Variants in CCDC138 observed in about 807,000 individuals in gnomAD.
The protein encoded by CCDC138 is coiled-coil domain containing 138, also known as coiled-coil domain-containing protein 138.
A neutral mutation model predicts 82.3 loss-of-function variants in CCDC138; 66 were observed. The observed-to-expected ratio is 0.80, with a 90% confidence interval of 0.66 to 0.98. The LOEUF (loss-of-function observed/expected upper bound fraction) is 0.98, where lower values mean the gene tolerates loss of function less well. CCDC138 is among the 50% of genes least tolerant of loss of function. CCDC138 has a pLI of 0.00. For synonymous variants in CCDC138, 297 were observed against 265.4 expected (o/e 1.12, Z -1.16); for missense variants, 816 against 758.9 (o/e 1.08, Z -0.88).
chr2:108,845,047 A>G (rs1363002053), intron 11 of CCDC138, among the ~76,000 whole-genome samples: 1 of 151,490 alleles, frequency 6.6e-6, no homozygotes, highest in East Asian at 1.9e-4. Flanking sequence ...TGCCTGGCCC[A>G]CATTTTTTTT....
At chr2:108,862,825 G>C (rs1201267377) in intron 13 of CCDC138, among the ~76,000 whole-genome samples, 1 of 151,878 alleles carries the variant, frequency 6.6e-6, no homozygotes, top group East Asian at 1.9e-4. Context: ...AGATACTAGT[G>C]CATATACAGT....
At chr2:108,788,443 G>A (rs143260859) in intron 2 of CCDC138, among the ~76,000 whole-genome samples, 1,987 of 150,994 alleles carry the variant, frequency 0.013, 43 homozygotes, top group African/African-American at 0.046. Flanking sequence ...AATAGGCTGC[G>A]CGCGGTGGCT....
chr2:108,841,453 G>T (rs945610622), intron 11 of CCDC138, among the ~76,000 whole-genome samples: 1 of 151,948 alleles, frequency 6.6e-6, no homozygotes, highest in Non-Finnish European at 1.5e-5. Flanking sequence ...GTAAATTTAT[G>T]ATTATGTCTT....
At chr2:108,844,291 AGGTTG>A (rs1271888583) in intron 11 of CCDC138, among the ~76,000 whole-genome samples, 2 of 152,020 alleles carry the variant, frequency 1.3e-5, no homozygotes, top group Admixed American at 1.3e-4. Context: ...GCAGTTGTTC[AGGTTG>A]GGTGTTTTCT....
At chr2:108,789,052 T>C in intron 3 of CCDC138, 86 bp downstream of exon 3, 4 of 1,457,578 alleles carry the variant, frequency 2.7e-6, no homozygotes, top group Non-Finnish European at 2.9e-6. Context: ...ATATTTTTGC[T>C]CTTTCCTGAG....
At position 108,788,043 on chromosome 2, in the gene CCDC138, A is replaced by G. The variant is rs765325671; in HGVS notation, c.105A>G (p.Ser35=). ...GGSCPDEYDF[S]NFYQSKYKRR... Reference sequence around the variant, plus strand: ...CTTTTTTTTTTTAGTATGATTTTTCAAATTTTTATCAGTCTAAGTATAAGA... The same window carrying G: ...CTTTTTTTTTTTAGTATGATTTTTCGAATTTTTATCAGTCTAAGTATAAGA... The change falls in exon 2 of 15, where the codon TCA becomes TCG. Residue 35 remains serine (S), a synonymous_variant. Coordinates refer to ENST00000295124, the MANE Select transcript of CCDC138 (RefSeq NM_144978.3). 7.6e-6 allele frequency: 12 copies of G among 1,575,354 alleles called. No homozygotes were observed. The highest frequency in any genetic ancestry group is 9.5e-6 in the Non-Finnish European group (11 of 1,163,960).
At chr2:108,880,733 G>A (rs1696268015), downstream of CCDC138, among the ~76,000 whole-genome samples, 1 of 152,104 alleles carries the variant, frequency 6.6e-6, no homozygotes, top group Admixed American at 6.5e-5. Flanking sequence ...GCCTGCTGTT[G>A]AGACCTACTG....
intron 7 of CCDC138, 109 bp downstream of exon 7, chr2:108,805,117 G>T (rs1000699804): frequency 1.7e-5 from 8 of 478,650 alleles, no homozygotes; most frequent in Admixed American, 4.4e-5. Context: ...AGAAAATTTG[G>T]ATTACATTTG....
Position 108,794,543 on chromosome 2 carries a change from C to T in CCDC138, c.398C>T (p.Ala133Val), listed in dbSNP as rs200161264. ...GCAAATGTTATTTTCTTTGCAGTTG[C>T]CTTGCCAACTAATACGACCTCATCG... ...KQSFKEIEKVALPTNTTSSRP... is the reference protein window; with the variant it reads ...KQSFKEIEKVVLPTNTTSSRP... Residue 133 changes from alanine (A) to valine (V), a missense_variant, in exon 5 of 15, where the codon GCC becomes GTC. Transcript: ENST00000295124. The T allele has an allele frequency of 1.3e-4, 200 of 1,593,196 alleles. No individual in the cohort carries two copies. The highest frequency in any genetic ancestry group is 1.5e-4 in the Non-Finnish European group (181 of 1,169,712).
At position 108,856,794 on chromosome 2, in the gene CCDC138, C is replaced by T; in HGVS notation, c.1517C>T (p.Ala506Val). ...TLIVLKTVTQ[A>V]DYLAQAFDSL... Reference sequence around the variant, plus strand: ...TTGATTGTACATAACTATTTTCCAGCTGATTACCTGGCTCAGGCATTTGAT... The same window carrying T: ...TTGATTGTACATAACTATTTTCCAGTTGATTACCTGGCTCAGGCATTTGAT... Residue 506 changes from alanine to valine, a missense_variant and splice_region_variant, in exon 13 of 15, where the codon GCT becomes GTT. Ala to Val is a moderately conservative substitution (Grantham distance 64). Transcript: ENST00000295124. 1.2e-6 allele frequency: 2 copies of T among 1,612,180 alleles called. No individual in the cohort carries two copies. Among genetic ancestry groups the T allele is most frequent in the East Asian group, 4.5e-5 (2 of 44,714 alleles).
At chr2:108,852,894 A>C (rs975085800) in intron 12 of CCDC138, among the ~76,000 whole-genome samples, 1 of 152,194 alleles carries the variant, frequency 6.6e-6, no homozygotes, top group African/African-American at 2.4e-5. Flanking sequence ...CTGAACTAAA[A>C]TAAAATAAAA....
chr2:108,843,186 C>T (rs151231146), intron 11 of CCDC138, among the ~76,000 whole-genome samples: 3,067 of 152,138 alleles, frequency 0.02, 91 homozygotes, highest in African/African-American at 0.071. Flanking sequence ...GAGGCAGGGT[C>T]TCACTCTGCT....
rs375950827 is a variant in CCDC138 at position 108,831,858 on chromosome 2, G to A, written c.1207-7327G>A. Among the ~76,000 whole-genome samples the A allele has an allele frequency of 6.0e-4, 85 of 142,276 alleles. 1 individual carries two copies. The South Asian group carries it at 0.017, about 29-fold the overall frequency. The allele number at this position is 142,276 out of a possible 152,430, so 93.3% of individuals were successfully genotyped here. A position where few individuals can be genotyped will look rare whatever the true frequency, so the allele number is the denominator to read the frequency against. On this transcript the variant is annotated intron_variant, in intron 10 of 14. Coordinates refer to ENST00000295124, the MANE Select transcript of CCDC138 (RefSeq NM_144978.3). The stretch of plus-strand genomic sequence containing the variant: ...AGCGATTCTCCTGCCTCAGCCTCCC[G>A]AGTAGCTGGGATTGCAGGCACTGGC...
chr2:108,794,988 TTAAG>T (rs1422354615), intron 5 of CCDC138, among the ~76,000 whole-genome samples: 1 of 151,976 alleles, frequency 6.6e-6, no homozygotes, highest in Non-Finnish European at 1.5e-5. Context: ...CCATCCTTAC[TTAAG>T]TAATAAAATC....
chr2:108,881,304 A>G (rs888595961), downstream of CCDC138, among the ~76,000 whole-genome samples: 1 of 152,198 alleles, frequency 6.6e-6, no homozygotes, highest in Non-Finnish European at 1.5e-5. Context: ...GCTAGCTTCA[A>G]CCTTTCCTTC....
chr2:108,788,176 T>G (rs1679239203), intron 2 of CCDC138, 87 bp downstream of exon 2: 2 of 1,389,912 alleles, frequency 1.4e-6, no homozygotes, highest in Non-Finnish European at 2.0e-6. Flanking sequence ...CCCAGCACTT[T>G]GGGAGGCCGA....
chr2:108,862,077 G>GTTTTTTTTT (rs71383810), intron 13 of CCDC138, among the ~76,000 whole-genome samples: 2 of 141,384 alleles, frequency 1.4e-5, no homozygotes, highest in Non-Finnish European at 1.5e-5. Flanking sequence ...TATGATTTCA[G>GTTTTTTTTT]TTTTTTTTTT....
chr2:108,841,059 A>T (rs1028111580), intron 11 of CCDC138, among the ~76,000 whole-genome samples: 11 of 151,960 alleles, frequency 7.2e-5, no homozygotes, highest in African/African-American at 2.7e-4. Flanking sequence ...GGGTTTCACC[A>T]TGTTGACCTC....
At chr2:108,873,619 A>G (rs1431241748) in intron 14 of CCDC138, 30 bp downstream of exon 14, 1 of 1,476,482 alleles carries the variant, frequency 6.8e-7, no homozygotes. Context: ...AACATTTTTT[A>G]TTGAAAAATA....
Sources: gnomAD v4.1 joint callset for allele counts (sites outside exome capture counted in the v4.1 genomes callset) on GRCh38, gnomAD v4.1.1 for gene constraint, MANE v1.5 for transcripts, NCBI Gene and HGNC (gene_info 2026-07-23, HGNC 2026-07-21) for gene names.